Variants in MPPED2 observed in about 807,000 individuals in gnomAD.
The protein encoded by MPPED2 is metallophosphoesterase MPPED2.
Under a neutral mutation model 33.0 loss-of-function variants are expected in MPPED2, and 5 were observed. That is an observed-to-expected ratio of 0.15 (90% CI 0.08 to 0.32). MPPED2 has a LOEUF of 0.32. MPPED2 is among the 10% of genes least tolerant of loss of function. MPPED2 has a pLI of 1.00. For missense variants in MPPED2, 275 were observed against 372.1 expected (o/e 0.74, Z 2.15); for synonymous variants, 136 against 141.9 (o/e 0.96, Z 0.29).
At chr11:30,573,775 T>C (rs1055942398) in intron 2 of MPPED2, among the ~76,000 whole-genome samples, 2 of 152,178 alleles carry the variant, frequency 1.3e-5, no homozygotes, top group Non-Finnish European at 2.9e-5. Flanking sequence ...ATCACCTGAG[T>C]AGTGTACAAT....
At chr11:30,397,374 T>C (rs1947851560) in intron 6 of MPPED2, among the ~76,000 whole-genome samples, 1 of 152,172 alleles carries the variant, frequency 6.6e-6, no homozygotes, top group Non-Finnish European at 1.5e-5. Flanking sequence ...AAGCATACTA[T>C]AGTTCTTACA....
rs1431219253 is a variant in MPPED2, at chr11:30,564,254, T to C, written c.128+15992A>G. Among the ~76,000 whole-genome samples the C allele has an allele frequency of 5.9e-5, 9 of 152,140 alleles. No homozygotes were observed. The East Asian group carries it at 1.4e-3, about 23-fold the overall frequency. ...CTCAGCTTTCATGTATATCTATCCA[T>C]TCAAGCAAACATAGGCTTATAAATT... is the stretch of plus-strand genomic sequence containing the variant. On this transcript the variant is annotated intron_variant, in intron 2 of 6. Transcript: ENST00000358117.
At chr11:30,486,911 T>C (rs1418107096) in intron 4 of MPPED2, among the ~76,000 whole-genome samples, 1 of 152,228 alleles carries the variant, frequency 6.6e-6, no homozygotes, top group African/African-American at 2.4e-5. Context: ...GTATTGGAAA[T>C]ACTTTCTTTC....
chr11:30,561,970 A>C (rs1956258790), intron 2 of MPPED2, among the ~76,000 whole-genome samples: 1 of 152,172 alleles, frequency 6.6e-6, no homozygotes, highest in Non-Finnish European at 1.5e-5. Context: ...TTGATCTTTG[A>C]TACTCGACCA....
intron 4 of MPPED2, among the ~76,000 whole-genome samples, chr11:30,478,083 G>A (rs929909186): frequency 6.6e-6 from 1 of 152,006 alleles, no homozygotes; most frequent in Non-Finnish European, 1.5e-5. Flanking sequence ...CTAAACTGTG[G>A]CTACCCTCCA....
At chr11:30,472,361 G>A (rs906246376) in intron 4 of MPPED2, among the ~76,000 whole-genome samples, 3 of 150,758 alleles carry the variant, frequency 2.0e-5, no homozygotes, top group East Asian at 2.0e-4. Context: ...GGCCTGTCTC[G>A]AATAATAATA....
chr11:30,420,099 G>T (rs183114832), intron 4 of MPPED2, among the ~76,000 whole-genome samples: 3 of 152,082 alleles, frequency 2.0e-5, no homozygotes, highest in Non-Finnish European at 4.4e-5. Context: ...TACTGTACAC[G>T]GCAAGGGGAA....
intron 3 of MPPED2, among the ~76,000 whole-genome samples, chr11:30,525,550 T>C (rs980298967): frequency 6.6e-6 from 1 of 152,186 alleles, no homozygotes; most frequent in Non-Finnish European, 1.5e-5. Flanking sequence ...TTTTTCTCTT[T>C]AGGAGATGGG....
At chr11:30,437,197 C>CA (rs1181859847) in intron 4 of MPPED2, among the ~76,000 whole-genome samples, 1 of 152,242 alleles carries the variant, frequency 6.6e-6, no homozygotes, top group Non-Finnish European at 1.5e-5. Flanking sequence ...GGGACCTAAA[C>CA]ACTAAGTTAC....
chr11:30,513,693 T>C (rs986769043), intron 3 of MPPED2, among the ~76,000 whole-genome samples: 14 of 152,034 alleles, frequency 9.2e-5, no homozygotes, highest in African/African-American at 3.4e-4. Flanking sequence ...ATCATTTCTA[T>C]GGGAAAGGGA....
At chr11:30,520,329 G>T (rs7113764) in intron 3 of MPPED2, among the ~76,000 whole-genome samples, 1 of 151,988 alleles carries the variant, frequency 6.6e-6, no homozygotes, top group Non-Finnish European at 1.5e-5. Flanking sequence ...TATTCATTTA[G>T]GGTGTACTAT....
rs140917626 is a variant in MPPED2, at chr11:30,420,773, C to A, written c.537-3140G>T. Among the ~76,000 whole-genome samples the A allele has an allele frequency of 1.2e-4, 19 of 152,276 alleles. No homozygotes were observed. In the East Asian group the frequency reaches 3.5e-3, roughly 28 times the overall value. ...GTTCAAAGAATCAGTCTTTCTCTCT[C>A]TTGTCCTTTAAGATTCCTCACCTTC... On this transcript the variant is annotated intron_variant, in intron 4 of 6. Coordinates refer to ENST00000358117, the MANE Select transcript of MPPED2 (RefSeq NM_001584.3).
downstream of MPPED2, among the ~76,000 whole-genome samples, chr11:30,407,123 A>G (rs1278854758): frequency 1.3e-5 from 2 of 152,200 alleles, no homozygotes. Context: ...ATTTACTTAA[A>G]TGATGGAGAT....
downstream of MPPED2, among the ~76,000 whole-genome samples, chr11:30,406,725 T>C (rs962091026): frequency 1.1e-4 from 17 of 152,196 alleles, no homozygotes; most frequent in Admixed American, 8.5e-4. Context: ...GAAGTGGTCC[T>C]GGGGCCTTCC....
intron 4 of MPPED2, among the ~76,000 whole-genome samples, chr11:30,466,241 A>C (rs1950703617): frequency 6.6e-6 from 1 of 152,254 alleles, no homozygotes; most frequent in South Asian, 2.1e-4. Context: ...TCTGAAACTT[A>C]ATAGACTTAT....
intron 4 of MPPED2, among the ~76,000 whole-genome samples, chr11:30,447,174 C>G (rs555784714): frequency 4.6e-5 from 7 of 152,204 alleles, no homozygotes; most frequent in Non-Finnish European, 7.3e-5. Context: ...CATTCAAGTC[C>G]TATCTGTATG....
At chr11:30,496,378 G>A (rs1952253980) in intron 3 of MPPED2, among the ~76,000 whole-genome samples, 1 of 152,100 alleles carries the variant, frequency 6.6e-6, no homozygotes, top group Admixed American at 6.5e-5. Context: ...AATCCAAAGG[G>A]AGATAGTGCC....
chr11:30,408,057 G>C (rs1430250879), downstream of MPPED2, among the ~76,000 whole-genome samples: 4 of 152,056 alleles, frequency 2.6e-5, no homozygotes, highest in Non-Finnish European at 1.5e-5. Flanking sequence ...ATGGCACTTA[G>C]AACAACTTCC....
intron 3 of MPPED2, among the ~76,000 whole-genome samples, chr11:30,509,602 C>T (rs1017922759): frequency 6.6e-6 from 1 of 152,152 alleles, no homozygotes; most frequent in African/African-American, 2.4e-5. Flanking sequence ...AAACAGGACA[C>T]GTGTGTGCAT....
Sources: allele counts gnomAD v4.1 joint callset (sites outside exome capture counted in the v4.1 genomes callset), GRCh38; gene constraint gnomAD v4.1.1; transcripts MANE v1.5; gene names NCBI Gene and HGNC (gene_info 2026-07-23, HGNC 2026-07-21).